FBXO42: variants seen among roughly 807,000 people sequenced by gnomAD.
FBXO42 encodes F-box only protein 42.
A neutral mutation model predicts 71.7 loss-of-function variants in FBXO42; 12 were observed. The ratio of observed to expected loss-of-function variants is 0.17; its 90% CI spans 0.11 to 0.27. The LOEUF is 0.27. Among genes scored for constraint, FBXO42 ranks in the 10% least tolerant of loss-of-function variants. The probability of loss-of-function intolerance (pLI) is 1.00; values close to 1 mark genes in which losing one functional copy is unlikely to be tolerated. For missense variants in FBXO42, 707 were observed against 911.9 expected, an observed-to-expected ratio of 0.78 and a Z score of 2.89; for synonymous variants, 325 against 327.5, an observed-to-expected ratio of 0.99 and a Z score of 0.08.
chr1:16,339,571 A>G (rs557043990), intron 1 of FBXO42, among the ~76,000 whole-genome samples: 5 of 152,284 alleles, frequency 3.3e-5, no homozygotes, highest in African/African-American at 1.2e-4. Flanking sequence ...TCAGCCATCC[A>G]AAGTGCTGGG....
At chr1:16,335,250 C>T (rs2082542103) in intron 1 of FBXO42, among the ~76,000 whole-genome samples, 1 of 152,020 alleles carries the variant, frequency 6.6e-6, no homozygotes, top group Admixed American at 6.6e-5. Flanking sequence ...GGTGATTCTC[C>T]TGCCTCAACT....
In FBXO42 at chr1:16,352,333, G is replaced by T; in HGVS notation, c.-96C>A. 2.5e-6 allele frequency: 1 copy of T among 397,958 alleles called. No individual in the cohort carries two copies. Among genetic ancestry groups the T allele is most frequent in the South Asian group, 1.3e-4 (1 of 7,818 alleles). 24.7% of individuals were successfully genotyped at this position (397,958 alleles called of 1,614,324 possible). ...GGGAGCCAGGGACAGGGCCAGAGCA[G>T]AGGCGCTCTGCCTCAGGCCGCGACA... On this transcript the variant is annotated 5_prime_UTR_variant, in exon 1 of 10. The change creates a new upstream start codon in the 5' untranslated region. Coordinates refer to ENST00000375592, the MANE Select transcript of FBXO42 (RefSeq NM_018994.3).
chr1:16,342,457 T>C (rs1384990508), intron 1 of FBXO42, among the ~76,000 whole-genome samples: 1 of 150,936 alleles, frequency 6.6e-6, no homozygotes, highest in African/African-American at 2.4e-5. Context: ...TGGCACCTGC[T>C]TGTAGTCTCT....
At chr1:16,342,390 C>T (rs1235828194) in intron 1 of FBXO42, among the ~76,000 whole-genome samples, 1 of 116,954 alleles carries the variant, frequency 8.6e-6, no homozygotes, top group Non-Finnish European at 1.8e-5. Context: ...GAGCGAAACT[C>T]TGTCTCAAAA....
intron 4 of FBXO42, among the ~76,000 whole-genome samples, chr1:16,259,358 CAAAT>C (rs918048662): frequency 6.6e-6 from 1 of 152,134 alleles, no homozygotes; most frequent in African/African-American, 2.4e-5. Flanking sequence ...AAAGAAAAAA[CAAAT>C]AAACACATCA....
chr1:16,284,675 C>T (rs2082002521), intron 4 of FBXO42, among the ~76,000 whole-genome samples: 1 of 151,910 alleles, frequency 6.6e-6, no homozygotes, highest in Admixed American at 6.6e-5. Flanking sequence ...ACTAAAAATA[C>T]AAAAAAATTA....
rs1422222895 is a variant in FBXO42, at chr1:16,277,783, G to A, written c.502+17000C>T. ...AGGCTGGGCGTGGTGGCTCAGGCCT[G>A]TAATCCCAGCACTTTCGGAGGATGA... On this transcript the variant is annotated intron_variant, in intron 4 of 9. Coordinates refer to ENST00000375592, the MANE Select transcript of FBXO42 (RefSeq NM_018994.3). Among the ~76,000 whole-genome samples the A allele has an allele frequency of 3.3e-5, 5 of 151,846 alleles. No homozygotes were observed. In the East Asian group the frequency reaches 9.7e-4, roughly 29 times the overall value.
chr1:16,301,670 C>CAA (rs1242029876), intron 3 of FBXO42, among the ~76,000 whole-genome samples: 2,633 of 67,104 alleles, frequency 0.039, 119 homozygotes, highest in African/African-American at 0.13. Context: ...GACCCCATCT[C>CAA]AAAAAAAAAA....
intron 1 of FBXO42, among the ~76,000 whole-genome samples, chr1:16,317,922 G>GAAA (rs976103262): frequency 8.7e-6 from 1 of 115,394 alleles, no homozygotes. Flanking sequence ...ATGTCTCGAA[G>GAAA]AAAAAAAAAA....
intron 2 of FBXO42, among the ~76,000 whole-genome samples, chr1:16,311,497 A>T (rs1330704327): frequency 9.0e-5 from 7 of 78,172 alleles, no homozygotes; most frequent in African/African-American, 2.9e-4. Context: ...CAAAAAAAAA[A>T]AAAAAAATAT....
chr1:16,331,707 T>C (rs926332240), intron 1 of FBXO42, among the ~76,000 whole-genome samples: 1 of 151,014 alleles, frequency 6.6e-6, no homozygotes, highest in African/African-American at 2.4e-5. Context: ...TGAGCCGAGA[T>C]CGCACTACTG....
intron 4 of FBXO42, among the ~76,000 whole-genome samples, chr1:16,267,004 G>GATGATGCCACTGTA (rs2081783387): frequency 6.6e-6 from 1 of 152,132 alleles, no homozygotes; most frequent in Non-Finnish European, 1.5e-5. Flanking sequence ...ACAAAAGCAT[G>GATGATGCCACTGTA]TTTCATGGTT....
At chr1:16,279,859 T>A (rs112232840) in intron 4 of FBXO42, among the ~76,000 whole-genome samples, 5 of 47,372 alleles carry the variant, frequency 1.1e-4, no homozygotes, top group Non-Finnish European at 4.1e-4. Flanking sequence ...TTTTTCTTTT[T>A]TTTTTGAGAC....
intron 2 of FBXO42, among the ~76,000 whole-genome samples, chr1:16,308,576 C>T (rs2082279208): frequency 6.6e-6 from 1 of 150,392 alleles, no homozygotes; most frequent in Non-Finnish European, 1.5e-5. Context: ...CCCCGTTCAC[C>T]ACAATCTCTG....
intron 4 of FBXO42, among the ~76,000 whole-genome samples, chr1:16,290,585 G>T (rs987904748): frequency 6.6e-6 from 1 of 152,008 alleles, no homozygotes; most frequent in Admixed American, 6.6e-5. Flanking sequence ...CCAGCTACTC[G>T]GGAGGCTGAG....
chr1:16,335,574 C>T (rs534492454), intron 1 of FBXO42, among the ~76,000 whole-genome samples: 6 of 152,114 alleles, frequency 3.9e-5, no homozygotes, highest in African/African-American at 1.4e-4. Context: ...GGATCAAAAA[C>T]TTTTGACTGG....
At chr1:16,314,799 A>G (rs1435106724) in intron 2 of FBXO42, among the ~76,000 whole-genome samples, 4 of 151,814 alleles carry the variant, frequency 2.6e-5, no homozygotes, top group African/African-American at 9.7e-5. Context: ...CAGGTGAATA[A>G]CATGACCCCG....
At chr1:16,272,946 T>C (rs1317700023) in intron 4 of FBXO42, among the ~76,000 whole-genome samples, 1 of 152,222 alleles carries the variant, frequency 6.6e-6, no homozygotes, top group East Asian at 1.9e-4. Flanking sequence ...CGATTCTTTT[T>C]GTTTCTTTCA....
chr1:16,256,401 T>G (rs2081645249), intron 5 of FBXO42, among the ~76,000 whole-genome samples: 1 of 152,194 alleles, frequency 6.6e-6, no homozygotes, highest in African/African-American at 2.4e-5. Context: ...GAATAAGGAT[T>G]CTAAATGCAG....
Sources: allele counts gnomAD v4.1 joint callset (sites outside exome capture counted in the v4.1 genomes callset), GRCh38; gene constraint gnomAD v4.1.1; transcripts MANE v1.5; gene names NCBI Gene and HGNC (gene_info 2026-07-23, HGNC 2026-07-21).